Variants in DHX33 observed in about 807,000 individuals in gnomAD.
DHX33 encodes DEAH-box helicase 33.
DHX33 carries 42 observed loss-of-function variants against 72.5 expected under a neutral mutation model. The ratio of observed to expected loss-of-function variants is 0.58; its 90% CI spans 0.45 to 0.75. The LOEUF is 0.75. Ranked by LOEUF, DHX33 falls within the 30% of genes least tolerant of loss-of-function variation. The pLI is 0.00. For missense variants in DHX33, 842 were observed against 917.5 expected (o/e 0.92, Z 1.06); for synonymous variants, 358 against 366.1 (o/e 0.98, Z 0.25).
At chr17:5,448,692 G>T in intron 11 of DHX33, 117 bp downstream of exon 11, 1 of 671,698 alleles carries the variant, frequency 1.5e-6, no homozygotes, top group Non-Finnish European at 2.3e-6. Context: ...TCTTATTTGT[G>T]AAATTTGCTA....
chr17:5,461,179 C>T, intron 3 of DHX33, 70 bp from the exon 4 acceptor site: 1 of 1,511,446 alleles, frequency 6.6e-7, no homozygotes, highest in South Asian at 1.3e-5. Flanking sequence ...CCTCTCGAGC[C>T]CCAAAAGCAG....
chr17:5,460,804 G>A (rs1904562892), intron 4 of DHX33, 135 bp downstream of exon 4: 1 of 1,081,342 alleles, frequency 9.2e-7, no homozygotes, highest in Admixed American at 2.8e-5. Context: ...ACCGCACCTG[G>A]CCTCCTTATT....
chr17:5,450,447 C>T, intron 9 of DHX33, 41 bp from the exon 10 acceptor site: 1 of 1,599,262 alleles, frequency 6.3e-7, no homozygotes, highest in Non-Finnish European at 8.6e-7. Context: ...CCAGCTTTCT[C>T]CTAGCTTTAG....
At chr17:5,445,579 C>T in intron 11 of DHX33, among the ~76,000 whole-genome samples, 1 of 152,238 alleles carries the variant, frequency 6.6e-6, no homozygotes, top group East Asian at 1.9e-4. Context: ...TAACCTACGC[C>T]CCTGGGCACA....
chr17:5,453,599 G>T lies in DHX33; in HGVS notation c.1377C>A (p.Phe459Leu), dbSNP rs1917051116. ...MKVPNVLTFD[F>L]MSKPSPDHIQ... ...ACTTACCTGGAGATGGCTTCGACAT[G>T]AAGTCAAAGGTGAGCACATTTGGGA... Residue 459 changes from phenylalanine to leucine, a missense_variant, in exon 8 of 12, where the codon TTC (phenylalanine) becomes TTA (leucine). Physicochemically the swap from Phe to Leu is conservative, Grantham distance 22 (BLOSUM62 0). Coordinates refer to ENST00000225296, the MANE Select transcript of DHX33 (RefSeq NM_020162.4). 1 of 1,614,164 alleles carries T rather than the reference G, an allele frequency of 6.2e-7. No individual in the cohort carries two copies. Among genetic ancestry groups the T allele is most frequent in the Non-Finnish European group, 8.5e-7 (1 of 1,179,994 alleles).
intron 8 of DHX33, 88 bp downstream of exon 8, chr17:5,453,492 G>T (rs1917043737): frequency 1.4e-5 from 14 of 1,020,532 alleles, no homozygotes; most frequent in Non-Finnish European, 2.0e-5. Context: ...AAAAGGAGAT[G>T]ACCAATATAC....
At chr17:5,455,384 A>C in intron 5 of DHX33, 113 bp from the exon 6 acceptor site, 1 of 854,384 alleles carries the variant, frequency 1.2e-6, no homozygotes, top group Non-Finnish European at 1.9e-6. Context: ...ACAGAAGATG[A>C]CTCCATTATT....
At chr17:5,463,231 G>A (rs1904722281) in intron 2 of DHX33, among the ~76,000 whole-genome samples, 1 of 152,138 alleles carries the variant, frequency 6.6e-6, no homozygotes, top group Admixed American at 6.5e-5. Flanking sequence ...CTGGCATAAT[G>A]CTTACAATTT....
chr17:5,442,281 C>A lies in DHX33; in HGVS notation c.*1924G>T. 7.2e-6 allele frequency: 1 copy of A among 139,058 alleles called. No individual in the cohort carries two copies. Among genetic ancestry groups the A allele is most frequent in the East Asian group, 2.0e-4 (1 of 4,970 alleles). The allele number at this position is 139,058 out of a possible 1,614,324, so 8.6% of individuals were successfully genotyped here. On this transcript the variant is annotated 3_prime_UTR_variant, in exon 12 of 12. Transcript: ENST00000225296. The stretch of plus-strand genomic sequence containing the variant: ...TTTTTTTTTTTTTTTTTTTTACCAG[C>A]ACTATGAATGATTAAAAATACAATA...
intron 11 of DHX33, among the ~76,000 whole-genome samples, chr17:5,446,744 C>T (rs977494300): frequency 1.3e-5 from 2 of 152,156 alleles, no homozygotes; most frequent in African/African-American, 4.8e-5. Flanking sequence ...CAGTGCCTGA[C>T]ATATAATGAG....
chr17:5,463,055 G>C (rs1904714547), intron 2 of DHX33, among the ~76,000 whole-genome samples: 1 of 151,988 alleles, frequency 6.6e-6, no homozygotes, highest in African/African-American at 2.4e-5. Flanking sequence ...CCTCAGCCTG[G>C]GCGACCGAGC....
In DHX33 at chr17:5,444,663, C is replaced by G; in HGVS notation, c.1816-150G>C. ...GTGGATTCTGACATTCGGAGGTGGT[C>G]ACCAAGGATCAGCAAGGTCAGGGGA... On this transcript the variant is annotated intron_variant, in intron 11 of 11. Coordinates refer to ENST00000225296, the MANE Select transcript of DHX33 (RefSeq NM_020162.4). This position sits in a 1 kb window ranked among gnomAD's most constrained non-coding sequence, Gnocchi z 4.9. The G allele has an allele frequency of 1.2e-6, 1 of 842,498 alleles. No individual in the cohort carries two copies. Among genetic ancestry groups the G allele is most frequent in the Non-Finnish European group, 1.8e-6 (1 of 552,696 alleles). 52.2% of individuals were successfully genotyped at this position (842,498 alleles called of 1,614,324 possible). A position where few individuals can be genotyped will look rare whatever the true frequency, so the allele number is the denominator to read the frequency against.
chr17:5,455,092 G>T, intron 6 of DHX33, 68 bp downstream of exon 6: 1 of 1,375,656 alleles, frequency 7.3e-7, no homozygotes, highest in Non-Finnish European at 1.0e-6. Context: ...GGGGAAAACT[G>T]TGGGACTACA....
At chr17:5,448,981 C>A in intron 10 of DHX33, 86 bp from the exon 11 acceptor site, 4 of 1,033,620 alleles carry the variant, frequency 3.9e-6, no homozygotes, top group South Asian at 3.0e-5. Flanking sequence ...GTTCCCTAGG[C>A]TGGAGTGCAG....
intron 4 of DHX33, among the ~76,000 whole-genome samples, chr17:5,456,563 G>A (rs1904334838): frequency 6.6e-6 from 1 of 152,046 alleles, no homozygotes; most frequent in Non-Finnish European, 1.5e-5. Context: ...CTCCAGCCTG[G>A]GCGACAGAAC....
rs372892765 is a variant in DHX33 at position 5,444,189 on chromosome 17, G to C, written c.*16C>G. 2 of 1,605,566 alleles carry C rather than the reference G, an allele frequency of 1.2e-6. No homozygotes were observed. The highest frequency in any genetic ancestry group is 4.5e-5 in the East Asian group (2 of 44,752). On this transcript the variant is annotated 3_prime_UTR_variant, in exon 12 of 12. Coordinates refer to ENST00000225296, the MANE Select transcript of DHX33 (RefSeq NM_020162.4). The surrounding 1 kb of genome is among the most constrained non-coding windows in gnomAD (Gnocchi z 4.9). ...GCTCCCAGGGACCAGTGATTCTGGC[G>C]GCATCCTGGGGCGGCTCAGTTTCTG...
At chr17:5,465,073 C>T (rs536600631) in intron 1 of DHX33, among the ~76,000 whole-genome samples, 7 of 152,350 alleles carry the variant, frequency 4.6e-5, no homozygotes, top group South Asian at 2.1e-4. Context: ...ATGTCCCTCT[C>T]GTGTACTTGA....
At chr17:5,466,594 T>C (rs974599397) in intron 1 of DHX33, among the ~76,000 whole-genome samples, 6 of 152,122 alleles carry the variant, frequency 3.9e-5, no homozygotes, top group Admixed American at 3.3e-4. Flanking sequence ...TCATGAAAAA[T>C]TTTATGAGAG....
Position 5,455,388 on chromosome 17 carries a change from C to T in DHX33, c.1036-117G>A, listed in dbSNP as rs543335561. 1.8e-4 allele frequency: 149 copies of T among 817,578 alleles called. No homozygotes were observed. In the South Asian group the frequency reaches 2.1e-3, roughly 12 times the overall value. The allele number at this position is 817,578 out of a possible 1,614,324, so 50.6% of individuals were successfully genotyped here. A position where few individuals can be genotyped will look rare whatever the true frequency, so the allele number is the denominator to read the frequency against. On this transcript the variant is annotated intron_variant, in intron 5 of 11. Coordinates refer to ENST00000225296, the MANE Select transcript of DHX33 (RefSeq NM_020162.4). ...ACTCTTGACCAACAGAAGATGACTC[C>T]ATTATTAATGGCAGTCATTAATATT...
Sources: allele counts gnomAD v4.1 joint callset (sites outside exome capture counted in the v4.1 genomes callset), GRCh38; gene constraint gnomAD v4.1.1; non-coding constraint Gnocchi (gnomAD v3.1); transcripts MANE v1.5; gene names NCBI Gene and HGNC (gene_info 2026-07-23, HGNC 2026-07-21).